The following GPC3 variants were observed in gnomAD, a reference collection of about 807,000 sequenced individuals.
The protein encoded by GPC3 is glypican 3.
In GPC3, 3 loss-of-function variants were observed where a neutral mutation model predicts 34.4. The observed-to-expected ratio is 0.09, with a 90% CI of 0.04 to 0.23. The LOEUF is 0.23. GPC3 is among the 10% of genes least tolerant of loss of function. The pLI is 1.00. For synonymous variants in GPC3, 177 were observed against 174.0 expected (o/e 1.02, Z -0.13); for missense variants, 351 against 445.6 (o/e 0.79, Z 1.91).
At chrX:133,838,196 T>C (rs1189150371) in intron 2 of GPC3, among the ~76,000 whole-genome samples, 2 of 112,904 alleles carry the variant, frequency 1.8e-5, no homozygotes, top group Non-Finnish European at 3.7e-5. Context: ...ACCCCATTTT[T>C]CATTTATGAA....
At chrX:133,714,038 A>G (rs2071293546) in intron 3 of GPC3, among the ~76,000 whole-genome samples, 1 of 112,448 alleles carries the variant, frequency 8.9e-6, no homozygotes, top group Admixed American at 9.4e-5. Flanking sequence ...ATAACAGAAA[A>G]TGAAAAGTCA....
intron 5 of GPC3, among the ~76,000 whole-genome samples, chrX:133,681,865 T>C (rs1348906360): frequency 8.9e-6 from 1 of 111,861 alleles, no homozygotes; most frequent in African/African-American, 3.3e-5. Flanking sequence ...TTACTGTTTG[T>C]AGAGGTCAGA....
intron 2 of GPC3, among the ~76,000 whole-genome samples, chrX:133,792,782 G>T (rs1035062509): frequency 2.7e-5 from 3 of 111,658 alleles, no homozygotes; most frequent in Non-Finnish European, 5.6e-5. Context: ...GTTCAGTAAA[G>T]ACTTCATTCA....
chrX:133,593,611 C>T (rs1252486920), intron 7 of GPC3, among the ~76,000 whole-genome samples: 1 of 110,346 alleles, frequency 9.1e-6, no homozygotes, highest in African/African-American at 3.3e-5. Context: ...GTATGAAATG[C>T]CTTCAAAAGA....
chrX:133,817,297 CT>C (rs1458359461), intron 2 of GPC3, among the ~76,000 whole-genome samples: 2 of 111,703 alleles, frequency 1.8e-5, no homozygotes, highest in Admixed American at 1.9e-4. Flanking sequence ...AGCCAGCATC[CT>C]TGCTTGCTAA....
chrX:133,842,283 A>C (rs1256541336), intron 2 of GPC3, among the ~76,000 whole-genome samples: 1 of 108,237 alleles, frequency 9.2e-6, no homozygotes, highest in Admixed American at 1.0e-4. Flanking sequence ...GTGCCATTGC[A>C]CTCCAGCCTG....
chrX:133,888,556 C>A (rs1420066833), intron 2 of GPC3, among the ~76,000 whole-genome samples: 1 of 112,001 alleles, frequency 8.9e-6, no homozygotes, highest in Non-Finnish European at 1.9e-5. Flanking sequence ...TAAAAGCATT[C>A]CTATTTTTCC....
intron 7 of GPC3, among the ~76,000 whole-genome samples, chrX:133,586,042 C>T (rs2069785741): frequency 8.9e-6 from 1 of 112,083 alleles, no homozygotes; most frequent in Non-Finnish European, 1.9e-5. Context: ...AGCCTAATGG[C>T]TCAGATGGGA....
chrX:133,541,251 A>AT (rs2069340015), intron 7 of GPC3, among the ~76,000 whole-genome samples: 1 of 109,754 alleles, frequency 9.1e-6, no homozygotes, highest in Non-Finnish European at 1.9e-5. Context: ...AGTTAAAAAA[A>AT]CAAAAACAAA....
At position 133,560,131 on chromosome X, in the gene GPC3, C is replaced by T. The variant is rs779105005; in HGVS notation, c.1574-23838G>A. The stretch of plus-strand genomic sequence containing the variant: ...ACTGTGAATTCACTCAGGGTGATTT[C>T]CAATGGACCGCCTCACCCATATTCT... On this transcript the variant is annotated intron_variant, in intron 7 of 7. Coordinates refer to ENST00000370818, the MANE Select transcript of GPC3 (RefSeq NM_004484.4). Among the ~76,000 whole-genome samples, 9 of 111,736 alleles carry T rather than the reference C, an allele frequency of 8.1e-5. No individual in the cohort carries two copies. The Admixed American group carries it at 8.5e-4, about 11-fold the overall frequency.
chrX:133,693,300 G>T (rs1160482842), intron 4 of GPC3, among the ~76,000 whole-genome samples: 2 of 109,268 alleles, frequency 1.8e-5, no homozygotes, highest in Non-Finnish European at 3.8e-5. Context: ...AAAATTTCAG[G>T]TCTGTTATCT....
intron 6 of GPC3, among the ~76,000 whole-genome samples, chrX:133,637,413 T>C (rs906644468): frequency 4.7e-5 from 5 of 106,222 alleles, no homozygotes; most frequent in African/African-American, 1.7e-4. Flanking sequence ...TGAGACTCCA[T>C]CTCAAAAAAA....
At chrX:133,910,036 T>C (rs1359996279) in intron 2 of GPC3, among the ~76,000 whole-genome samples, 1 of 111,261 alleles carries the variant, frequency 9.0e-6, no homozygotes, top group African/African-American at 3.3e-5. Flanking sequence ...GTGGGAAACA[T>C]ATGGCTCCTG....
At chrX:133,818,315 G>A (rs1411276372) in intron 2 of GPC3, among the ~76,000 whole-genome samples, 1 of 111,779 alleles carries the variant, frequency 8.9e-6, no homozygotes, top group Non-Finnish European at 1.9e-5. Context: ...AACATGCACA[G>A]GGATGTATAA....
intron 1 of GPC3, among the ~76,000 whole-genome samples, chrX:133,984,520 A>C (rs867738778): frequency 9.0e-5 from 10 of 111,563 alleles, no homozygotes; most frequent in African/African-American, 2.6e-4. Context: ...CTCCACCTGA[A>C]ATCATCTCCC....
chrX:133,831,612 C>T (rs764049670), intron 2 of GPC3, among the ~76,000 whole-genome samples: 1 of 112,021 alleles, frequency 8.9e-6, no homozygotes, highest in African/African-American at 3.2e-5. Flanking sequence ...TGTCTCTAAT[C>T]CCAGCTACTC....
chrX:133,763,148 A>T, intron 2 of GPC3: 1 of 733,117 alleles, frequency 1.4e-6, no homozygotes, highest in South Asian at 2.1e-5. Context: ...GCCTTTCAGG[A>T]GCCGCAGCTT....
intron 6 of GPC3, among the ~76,000 whole-genome samples, chrX:133,622,389 C>T (rs750092109): frequency 2.3e-4 from 26 of 111,635 alleles, no homozygotes; most frequent in East Asian, 5.6e-4. Flanking sequence ...TCAAGCCCAT[C>T]GCAAAGAAGC....
At chrX:133,780,309 A>C (rs1325877604) in intron 2 of GPC3, among the ~76,000 whole-genome samples, 2 of 111,957 alleles carry the variant, frequency 1.8e-5, no homozygotes, top group African/African-American at 6.5e-5. Context: ...TTTCCCTGCC[A>C]AAACTATTTC....
Sources: allele counts gnomAD v4.1 joint callset (sites outside exome capture counted in the v4.1 genomes callset), GRCh38; gene constraint gnomAD v4.1.1; transcripts MANE v1.5; gene names NCBI Gene and HGNC (gene_info 2026-07-23, HGNC 2026-07-21).